The following PLXNB1 variants were observed in gnomAD, a reference collection of about 807,000 sequenced individuals.
PLXNB1 encodes the protein plexin B1.
Under a neutral mutation model 209.4 loss-of-function variants are expected in PLXNB1, and 106 were observed. The observed-to-expected ratio is 0.51, with a 90% CI of 0.43 to 0.59. The LOEUF is 0.59. PLXNB1 is among the 20% of genes least tolerant of loss of function. PLXNB1 has a pLI of 0.00. For missense variants in PLXNB1, 2,357 were observed against 2,853.2 expected (o/e 0.83, Z 3.96); for synonymous variants, 1,167 against 1,183.2 (o/e 0.99, Z 0.28).
chr3:48,410,948 T>C lies in PLXNB1; in HGVS notation c.5336A>G (p.Gln1779Arg). Residue 1779 changes from glutamine to arginine, a missense_variant, in exon 29 of 38, where the codon CAG becomes CGG. By Grantham distance (43) the Gln-to-Arg change is conservative. This residue lies in a region of PLXNB1 where 414 missense variants were observed against 520.5 expected (regional missense o/e 0.80). Transcript: ENST00000296440. The surrounding 1 kb of genome is among the most constrained non-coding windows in gnomAD (Gnocchi z 6.4). ...CTGGTCCAGCATCTTCTCCTTTGCCTGGGAGATGGTGTCACAGTCTAGGAC... is the reference window on the plus strand; with the variant it reads ...CTGGTCCAGCATCTTCTCCTTTGCCCGGGAGATGGTGTCACAGTCTAGGAC... ...VKVLDCDTIS[Q>R]AKEKMLDQLY... The C allele has an allele frequency of 1.2e-6, 2 of 1,613,868 alleles. No homozygotes were observed. The highest frequency in any genetic ancestry group is 1.7e-6 in the Non-Finnish European group (2 of 1,179,906).
chr3:48,416,413 G>A lies in PLXNB1; in HGVS notation c.3413C>T (p.Ala1138Val). The A allele has an allele frequency of 6.2e-7, 1 of 1,612,992 alleles. No individual in the cohort carries two copies. Among genetic ancestry groups the A allele is most frequent in the East Asian group, 2.2e-5 (1 of 44,882 alleles). ...CITGASGEEVAGATAVEVPGR... is the reference protein window; with the variant it reads ...CITGASGEEVVGATAVEVPGR... ...CGGCACCTCCACCGCTGTGGCGCCG[G>A]CCACCTCCTCCCCACTGGCCCCGGT... The change falls in exon 17 of 38, where the codon GCC (alanine) becomes GTC (valine). Residue 1138 changes from alanine (A) to valine (V), a missense_variant. Ala to Val is a moderately conservative substitution (Grantham distance 64, BLOSUM62 0). Around this residue, in one of 7 missense-constraint regions of PLXNB1, gnomAD observed 743 missense variants for 896.2 expected, o/e 0.83. Transcript: ENST00000296440. This position sits in a 1 kb window ranked among gnomAD's most constrained non-coding sequence, Gnocchi z 4.1.
chr3:48,426,976 T>C (rs1399239806), intron 1 of PLXNB1, among the ~76,000 whole-genome samples: 1 of 152,162 alleles, frequency 6.6e-6, no homozygotes, highest in East Asian at 1.9e-4. Context: ...TCAATTCTCC[T>C]GCCACCGCAT....
Position 48,416,447 on chromosome 3 carries a change from C to T in PLXNB1, c.3379G>A (p.Val1127Met), listed in dbSNP as rs752973137. 7.4e-6 allele frequency: 12 copies of T among 1,611,380 alleles called. No individual in the cohort carries two copies. The highest frequency in any genetic ancestry group is 5.3e-5 in the African/African-American group (4 of 74,914). ...AQEYEVSSSL[V>M]CITGASGEEV... ...TCCCCACTGGCCCCGGTGATGCACA[C>T]GAGGCTGTAGGCACAGGGCAGGCTA... Residue 1127 changes from valine (V) to methionine (M), a missense_variant, in exon 17 of 38, where the codon GTG becomes ATG. Around this residue, in one of 7 missense-constraint regions of PLXNB1, gnomAD observed 743 missense variants for 896.2 expected, o/e 0.83. Transcript: ENST00000296440. This position sits in a 1 kb window ranked among gnomAD's most constrained non-coding sequence, Gnocchi z 4.1.
chr3:48,414,882 C>T lies in PLXNB1; in HGVS notation c.4126G>A (p.Ala1376Thr). The T allele has an allele frequency of 6.2e-7, 1 of 1,614,018 alleles. No individual in the cohort carries two copies. The highest frequency in any genetic ancestry group is 1.7e-5 in the Admixed American group (1 of 60,024). ...TLNPTPFSYEADPTLQPLNPE... is the reference protein window; with the variant it reads ...TLNPTPFSYETDPTLQPLNPE... ...TTGAGTGGCTGCAGGGTGGGGTCGG[C>T]CTCATAGGAGAAAGGTGTGGGGTTC... The change falls in exon 21 of 38, where the codon GCC (alanine) becomes ACC (threonine). Residue 1376 changes from alanine to threonine, a missense_variant. Physicochemically the swap from Ala to Thr is moderately conservative, Grantham distance 58. This residue lies in a region of PLXNB1 where 743 missense variants were observed against 896.2 expected (regional missense o/e 0.83). Coordinates refer to ENST00000296440, the MANE Select transcript of PLXNB1 (RefSeq NM_001130082.3).
In PLXNB1 at chr3:48,404,583, G is replaced by A. The variant is rs773855607; in HGVS notation, c.6311C>T (p.Thr2104Ile). 1.2e-6 allele frequency: 2 copies of A among 1,609,802 alleles called. No homozygotes were observed. The highest frequency in any genetic ancestry group is 2.2e-5 in the South Asian group (2 of 90,832). ...YINKYYDQII[T>I]ALEEDGTAQK... ...GGCCGTGCCATCCTCCTCCAGGGCA[G>A]TGATGATCTGAAACAGAGACCAATG... The change falls in exon 38 of 38, where the codon ACT becomes ATT. Residue 2104 changes from threonine (T) to isoleucine (I), a missense_variant. Around this residue, in one of 7 missense-constraint regions of PLXNB1, gnomAD observed 414 missense variants for 520.5 expected, o/e 0.80. Coordinates refer to ENST00000296440, the MANE Select transcript of PLXNB1 (RefSeq NM_001130082.3).
In PLXNB1 at chr3:48,416,071, C is replaced by T. The variant is rs757267352; in HGVS notation, c.3577G>A (p.Glu1193Lys). 3 of 1,601,794 alleles carry T rather than the reference C, an allele frequency of 1.9e-6. No homozygotes were observed. In the South Asian group the frequency reaches 3.4e-5, roughly 18 times the overall value. Residue 1193 changes from glutamate (E) to lysine (K), a missense_variant, in exon 18 of 38, where the codon GAG becomes AAG. Physicochemically the swap from Glu to Lys is moderately conservative, Grantham distance 56. This residue lies in a region of PLXNB1 where 743 missense variants were observed against 896.2 expected (regional missense o/e 0.83). Coordinates refer to ENST00000296440, the MANE Select transcript of PLXNB1 (RefSeq NM_001130082.3). This position sits in a 1 kb window ranked among gnomAD's most constrained non-coding sequence, Gnocchi z 4.1. ...TCTCCAACCACCACTCGGATGTCCTCCAGCCGCCCAGTCAGGAGCTTGGAG... is the reference window on the plus strand; with the variant it reads ...TCTCCAACCACCACTCGGATGTCCTTCAGCCGCCCAGTCAGGAGCTTGGAG... ...NGSKLLTGRL[E>K]DIRVVVGDQP...
chr3:48,418,264 C>A lies in PLXNB1; in HGVS notation c.3149G>T (p.Arg1050Leu). The change falls in exon 15 of 38, where the codon CGT (arginine) becomes CTT (leucine). Residue 1050 changes from arginine to leucine, a missense_variant. Around this residue, in one of 7 missense-constraint regions of PLXNB1, gnomAD observed 743 missense variants for 896.2 expected, o/e 0.83. Coordinates refer to ENST00000296440, the MANE Select transcript of PLXNB1 (RefSeq NM_001130082.3). The surrounding 1 kb of genome is among the most constrained non-coding windows in gnomAD (Gnocchi z 6.6). ...ACCACAGGCCTCCCGGGTCACACAA[C>A]GTGGACGCTCCCCCTCACACCACAC... is the stretch of plus-strand genomic sequence containing the variant. ...GCVWCEGERP[R>L]CVTREACGEA... 1 of 1,613,588 alleles carries A rather than the reference C, an allele frequency of 6.2e-7. No individual in the cohort carries two copies. Among genetic ancestry groups the A allele is most frequent in the South Asian group, 1.1e-5 (1 of 91,084 alleles).
At position 48,414,930 on chromosome 3, in the gene PLXNB1, G is replaced by C. The variant is rs140723221; in HGVS notation, c.4078C>G (p.Leu1360Val). 1.4e-5 allele frequency: 23 copies of C among 1,613,904 alleles called. No homozygotes were observed. Among genetic ancestry groups the C allele is most frequent in the Non-Finnish European group, 1.9e-5 (23 of 1,180,054 alleles). The change falls in exon 21 of 38, where the codon CTG becomes GTG. Residue 1360 changes from leucine (L) to valine (V), a missense_variant. Physicochemically the swap from Leu to Val is conservative, Grantham distance 32 (BLOSUM62 1). Coordinates refer to ENST00000296440, the MANE Select transcript of PLXNB1 (RefSeq NM_001130082.3). ...TTCAGTGTTGCAAAGTCAAAGACCA[G>C]GTTGTCAAGGATAAATTCCACCCGG... Reference protein sequence around the residue: ...WVRVEFILDNLVFDFATLNPT... With the variant: ...WVRVEFILDNVVFDFATLNPT...
rs1061488 is a variant in PLXNB1, at chr3:48,404,099, G to A, written c.*387C>T. ...GAGGTCAGGGATGGTGGAGGAGGCA[G>A]ACAGGAAGCATGGGGCTCTCCTCCT... is the stretch of plus-strand genomic sequence containing the variant. On this transcript the variant is annotated 3_prime_UTR_variant, in exon 38 of 38. Coordinates refer to ENST00000296440, the MANE Select transcript of PLXNB1 (RefSeq NM_001130082.3). The A allele has an allele frequency of 5.4e-6, 1 of 184,412 alleles. No homozygotes were observed. The allele number at this position is 184,412 out of a possible 1,614,324, so 11.4% of individuals were successfully genotyped here. A position where few individuals can be genotyped will look rare whatever the true frequency, so the allele number is the denominator to read the frequency against.
chr3:48,415,686 C>T lies in PLXNB1; in HGVS notation c.3691G>A (p.Ala1231Thr). ...PRPTPATLPV[A>T]VWFGATERRL... is the part of the protein sequence containing the mutation. The stretch of plus-strand genomic sequence containing the variant: ...CGCTCCGTGGCCCCAAACCACACAG[C>T]CACAGGGAGCGTGGCAGGCGTGGGG... The change falls in exon 19 of 38, where the codon GCT becomes ACT. Residue 1231 changes from alanine to threonine, a missense_variant. Ala to Thr is a moderately conservative substitution (Grantham distance 58, BLOSUM62 0). This residue lies in a region of PLXNB1 where 743 missense variants were observed against 896.2 expected (regional missense o/e 0.83). Coordinates refer to ENST00000296440, the MANE Select transcript of PLXNB1 (RefSeq NM_001130082.3). This position sits in a 1 kb window ranked among gnomAD's most constrained non-coding sequence, Gnocchi z 5.0. 6.4e-7 allele frequency: 1 copy of T among 1,558,686 alleles called. No individual in the cohort carries two copies. The highest frequency in any genetic ancestry group is 8.7e-7 in the Non-Finnish European group (1 of 1,150,562).
In PLXNB1 at chr3:48,411,851, G is replaced by T. The variant is rs1031003848; in HGVS notation, c.5247+12C>A. The T allele has an allele frequency of 3.1e-6, 5 of 1,613,184 alleles. No individual in the cohort carries two copies. The highest frequency in any genetic ancestry group is 4.2e-6 in the Non-Finnish European group (5 of 1,179,608). On this transcript the variant is annotated intron_variant, in intron 28 of 37. Coordinates refer to ENST00000296440, the MANE Select transcript of PLXNB1 (RefSeq NM_001130082.3). The surrounding 1 kb of genome is among the most constrained non-coding windows in gnomAD (Gnocchi z 4.0). ...CACTCAGACTGCAGGCCACACACTT[G>T]CACACCCTCACCAGGGGACGGTACT...
In PLXNB1 at chr3:48,413,167, C is replaced by G; in HGVS notation, c.4538G>C (p.Arg1513Thr). 6.2e-7 allele frequency: 1 copy of G among 1,610,808 alleles called. No homozygotes were observed. Among genetic ancestry groups the G allele is most frequent in the Non-Finnish European group, 8.5e-7 (1 of 1,179,438 alleles). ...GTCCCTCAGGGCCTGCTTGCTCTTC[C>G]TCCTGCTCAGCCCCAGGGTCAGGAG... ...GVIIIVLMYRRKSKQALRDYK... is the reference protein window; with the variant it reads ...GVIIIVLMYRTKSKQALRDYK... Residue 1513 changes from arginine to threonine, a missense_variant and splice_region_variant, in exon 24 of 38, where the codon AGG becomes ACG. Transcript: ENST00000296440. This position sits in a 1 kb window ranked among gnomAD's most constrained non-coding sequence, Gnocchi z 5.4.
chr3:48,412,812 C>T lies in PLXNB1; in HGVS notation c.4784G>A (p.Arg1595Lys). The T allele has an allele frequency of 1.2e-6, 2 of 1,613,744 alleles. No homozygotes were observed. Among genetic ancestry groups the T allele is most frequent in the South Asian group, 1.1e-5 (1 of 91,082 alleles). ...LHRDLGVPES[R>K]RPTVEQGLGQ... Reference sequence around the variant, plus strand: ...CAGCCCTTGCTCCACAGTGGGCCGTCTGCTCTCAGGCACACCCAGGTCCCG... The same window carrying T: ...CAGCCCTTGCTCCACAGTGGGCCGTTTGCTCTCAGGCACACCCAGGTCCCG... The change falls in exon 25 of 38, where the codon AGA becomes AAA. Residue 1595 changes from arginine (R) to lysine (K), a missense_variant. By Grantham distance (26) the Arg-to-Lys change is conservative. This residue lies in a region of PLXNB1 where 743 missense variants were observed against 896.2 expected (regional missense o/e 0.83). Coordinates refer to ENST00000296440, the MANE Select transcript of PLXNB1 (RefSeq NM_001130082.3).
In PLXNB1 at chr3:48,413,483, G is replaced by A. The variant is rs948763132; in HGVS notation, c.4535+187C>T. ...TTTCATGTGTTTCCATGTCGTCCCT[G>A]GCTGCCTTTGTGCCACAGTGGCAAA... On this transcript the variant is annotated intron_variant, in intron 23 of 37. Transcript: ENST00000296440. The surrounding 1 kb of genome is among the most constrained non-coding windows in gnomAD (Gnocchi z 5.4). 16 of 624,072 alleles carry A rather than the reference G, an allele frequency of 2.6e-5. No homozygotes were observed. Among genetic ancestry groups the A allele is most frequent in the Non-Finnish European group, 4.4e-5 (16 of 361,094 alleles). The allele number at this position is 624,072 out of a possible 1,614,324, so 38.7% of individuals were successfully genotyped here. A position where few individuals can be genotyped will look rare whatever the true frequency, so the allele number is the denominator to read the frequency against.
In PLXNB1 at chr3:48,422,882, C is replaced by T. The variant is rs756011078; in HGVS notation, c.1173G>A (p.Pro391=). Residue 391 remains proline (P), a synonymous_variant, in exon 4 of 38, where the codon CCG becomes CCA. Coordinates refer to ENST00000296440, the MANE Select transcript of PLXNB1 (RefSeq NM_001130082.3). The stretch of plus-strand genomic sequence containing the variant: ...ACTCCAGAATTGGTGTGGCTTCCAG[C>T]GGGACCCGGCTGGCCATGGGGCTGG... The part of the protein sequence containing the change: ...HTPSPMASRV[P]LEATPILEWP... The T allele has an allele frequency of 2.7e-5, 43 of 1,614,010 alleles. No homozygotes were observed. Among genetic ancestry groups the T allele is most frequent in the Admixed American group, 3.3e-5 (2 of 59,994 alleles).
At position 48,421,244 on chromosome 3, in the gene PLXNB1, C is replaced by T. The variant is rs567437824; in HGVS notation, c.1794G>A (p.Val598=). The change falls in exon 8 of 38, where the codon GTG becomes GTA. Residue 598 remains valine (V), a synonymous_variant. Coordinates refer to ENST00000296440, the MANE Select transcript of PLXNB1 (RefSeq NM_001130082.3). ...CPSPDPSEAP[V]LPRGADYVSV... ...CTCACCCACCGGCTCCTCTCGGCAG[C>T]ACTGGGGCCTCACTAGGGTCTGGGG... 3 of 1,613,232 alleles carry T rather than the reference C, an allele frequency of 1.9e-6. No individual in the cohort carries two copies. The South Asian group carries it at 3.3e-5, about 18-fold the overall frequency.
At position 48,409,790 on chromosome 3, in the gene PLXNB1, G is replaced by A. The variant is rs2037545457; in HGVS notation, c.5779-59C>T. 1.3e-6 allele frequency: 2 copies of A among 1,589,558 alleles called. No homozygotes were observed. The highest frequency in any genetic ancestry group is 2.7e-5 in the African/African-American group (2 of 74,580). On this transcript the variant is annotated intron_variant, in intron 32 of 37. Coordinates refer to ENST00000296440, the MANE Select transcript of PLXNB1 (RefSeq NM_001130082.3). The surrounding 1 kb of genome is among the most constrained non-coding windows in gnomAD (Gnocchi z 5.8). ...GCAAAGGGCCCTCAGCAGCAGCCCA[G>A]CCTCAGACACCCCCCGGCACTGTGC...
At chr3:48,408,262 C>A (rs2037434817) in intron 34 of PLXNB1, among the ~76,000 whole-genome samples, 1 of 152,188 alleles carries the variant, frequency 6.6e-6, no homozygotes, top group Non-Finnish European at 1.5e-5. Flanking sequence ...GATCTGCCCA[C>A]CTCAGCCTCC....
At position 48,424,018 on chromosome 3, in the gene PLXNB1, G is replaced by A. The variant is rs111761006; in HGVS notation, c.594C>T (p.Phe198=). The A allele has an allele frequency of 1.5e-5, 24 of 1,610,494 alleles. No individual in the cohort carries two copies. In the African/African-American group the frequency reaches 3.2e-4, roughly 21 times the overall value. ...ALWPPDPQAA[F]SYEETAKLAV... Reference sequence around the variant, plus strand: ...CCAGCTTGGCTGTCTCCTCATAGGAGAAGGCAGCTTGGGGGTCGGGCGGCC... The same window carrying A: ...CCAGCTTGGCTGTCTCCTCATAGGAAAAGGCAGCTTGGGGGTCGGGCGGCC... The change falls in exon 3 of 38, where the codon TTC becomes TTT. Residue 198 remains phenylalanine (F), a synonymous_variant. Coordinates refer to ENST00000296440, the MANE Select transcript of PLXNB1 (RefSeq NM_001130082.3).
Sources: allele counts gnomAD v4.1 joint callset (sites outside exome capture counted in the v4.1 genomes callset), GRCh38; gene constraint gnomAD v4.1.1; regional missense constraint gnomAD v4.1.1; non-coding constraint Gnocchi (gnomAD v3.1); transcripts MANE v1.5; gene names NCBI Gene and HGNC (gene_info 2026-07-23, HGNC 2026-07-21).